CACNB2: variants seen among roughly 807,000 people sequenced by gnomAD.
CACNB2 encodes the protein calcium voltage-gated channel auxiliary subunit beta 2, also known as voltage-dependent L-type calcium channel subunit beta-2.
A neutral mutation model predicts 73.3 loss-of-function variants in CACNB2; 42 were observed. The observed-to-expected ratio is 0.57, with a 90% CI of 0.45 to 0.74. The LOEUF (loss-of-function observed/expected upper bound fraction) is 0.74. Ranked by LOEUF, CACNB2 falls within the 30% of genes least tolerant of loss-of-function variation. The probability of loss-of-function intolerance (pLI) is 0.00; values close to 1 mark genes in which losing one functional copy is unlikely to be tolerated. For synonymous variants in CACNB2, 348 were observed against 310.3 expected, an observed-to-expected ratio of 1.12 and a Z score of -1.28; for missense variants, 940 against 853.0, an observed-to-expected ratio of 1.10 and a Z score of -1.27.
intron 1 of CACNB2, among the ~76,000 whole-genome samples, chr10:18,148,595 A>G (rs2031223022): frequency 6.6e-6 from 1 of 152,240 alleles, no homozygotes; most frequent in South Asian, 2.1e-4. Context: ...CAACCACAAA[A>G]AAGCTTACAC....
In CACNB2 at chr10:18,401,957, G is replaced by A; in HGVS notation, c.247G>A (p.Asp83Asn). The change falls in exon 3 of 14, where the codon GAT (aspartate) becomes AAT (asparagine). Residue 83 changes from aspartate (D) to asparagine (N), a missense_variant. Asp to Asn is a conservative substitution (Grantham distance 23). Transcript: ENST00000324631. ...SADSYTSRPS[D>N]SDVSLEEDRE... ...AGACTCCTACACTAGCCGTCCATCC[G>A]ATTCCGATGTATCTCTGGAGGAGGA... 6.2e-7 allele frequency: 1 copy of A among 1,613,964 alleles called. No individual in the cohort carries two copies. The highest frequency in any genetic ancestry group is 8.5e-7 in the Non-Finnish European group (1 of 1,179,868).
rs368088104 is a variant in CACNB2 at position 18,176,632 on chromosome 10, C to A, written c.213+25657C>A. On this transcript the variant is annotated intron_variant, in intron 2 of 13. Transcript: ENST00000324631. Reference sequence around the variant, plus strand: ...CATTGAAAGTGATTGGAAGGTAAGTCTGTGAAGGTGGGTTGTAGCAAATGG... The same window carrying A: ...CATTGAAAGTGATTGGAAGGTAAGTATGTGAAGGTGGGTTGTAGCAAATGG... Among the ~76,000 whole-genome samples the A allele has an allele frequency of 1.2e-3, 182 of 149,890 alleles. 3 individuals are homozygous for A. In the South Asian group the frequency reaches 0.038, roughly 31 times the overall value.
chr10:18,482,858 C>A (rs1416392263), intron 3 of CACNB2, among the ~76,000 whole-genome samples: 1 of 152,114 alleles, frequency 6.6e-6, no homozygotes, highest in Non-Finnish European at 1.5e-5. Context: ...ATGTTATTCT[C>A]AGAGTTTATT....
At chr10:18,194,629 G>A (rs1455937470) in intron 2 of CACNB2, among the ~76,000 whole-genome samples, 1 of 152,168 alleles carries the variant, frequency 6.6e-6, no homozygotes, top group Admixed American at 6.5e-5. Context: ...CACAGCTGAG[G>A]CAATAGATGG....
At chr10:18,231,357 T>C (rs1053371442) in intron 2 of CACNB2, among the ~76,000 whole-genome samples, 1 of 152,124 alleles carries the variant, frequency 6.6e-6, no homozygotes, top group Non-Finnish European at 1.5e-5. Context: ...TTTTGTATTT[T>C]TAGTAGAGAT....
intron 3 of CACNB2, among the ~76,000 whole-genome samples, chr10:18,473,650 C>T (rs1276644063): frequency 6.6e-6 from 1 of 152,162 alleles, no homozygotes; most frequent in Non-Finnish European, 1.5e-5. Flanking sequence ...GTAAGGGATG[C>T]CAGAAATGCG....
At chr10:18,426,398 GC>G (rs1249619888) in intron 3 of CACNB2, among the ~76,000 whole-genome samples, 8 of 152,120 alleles carry the variant, frequency 5.3e-5, no homozygotes, top group Non-Finnish European at 1.2e-4. Flanking sequence ...GTTTCTGTTG[GC>G]TAATATGGAG....
intron 2 of CACNB2, among the ~76,000 whole-genome samples, chr10:18,254,911 GT>G (rs1262152067): frequency 1.3e-5 from 2 of 152,200 alleles, no homozygotes; most frequent in African/African-American, 2.4e-5. Context: ...TTCATTTTCT[GT>G]TTCTGTCCTT....
intron 3 of CACNB2, among the ~76,000 whole-genome samples, chr10:18,485,910 G>C (rs1357194719): frequency 1.7e-5 from 2 of 116,214 alleles, no homozygotes; most frequent in African/African-American, 7.9e-5. Context: ...TAGGGATCTG[G>C]GTCATTTTTT....
At chr10:18,481,510 GT>G (rs1330847975) in intron 3 of CACNB2, among the ~76,000 whole-genome samples, 1 of 151,570 alleles carries the variant, frequency 6.6e-6, no homozygotes, top group Admixed American at 6.6e-5. Flanking sequence ...GCATCCCAAA[GT>G]GCTGGGATTA....
At chr10:18,167,993 C>G (rs1442425871) in intron 2 of CACNB2, among the ~76,000 whole-genome samples, 1 of 152,140 alleles carries the variant, frequency 6.6e-6, no homozygotes, top group Non-Finnish European at 1.5e-5. Context: ...TGTGGAAATT[C>G]TGGTGAAGCC....
chr10:18,360,667 C>T lies in CACNB2; in HGVS notation c.214-41257C>T, dbSNP rs759272512. On this transcript the variant is annotated intron_variant, in intron 2 of 13. Transcript: ENST00000324631. ...GAACTTTAAGTGGCAGCTTTGATCA[C>T]GGGGCTAAGATATGGTGGCCACACA... Among the ~76,000 whole-genome samples the T allele has an allele frequency of 4.8e-4, 73 of 152,164 alleles. 1 individual carries two copies. The highest frequency in any genetic ancestry group is 2.2e-4 in the Non-Finnish European group (15 of 68,026).
chr10:18,230,406 A>G (rs575963145), intron 2 of CACNB2, among the ~76,000 whole-genome samples: 83 of 152,304 alleles, frequency 5.4e-4, no homozygotes, highest in Non-Finnish European at 1.0e-3. Context: ...TATTAAACAC[A>G]TGAATATAAA....
intron 2 of CACNB2, among the ~76,000 whole-genome samples, chr10:18,186,261 A>G (rs2131242382): frequency 6.6e-6 from 1 of 152,076 alleles, no homozygotes; most frequent in East Asian, 1.9e-4. Flanking sequence ...CTCTACTAAA[A>G]ATACAAAATT....
At chr10:18,516,660 C>T (rs1308374555) in intron 7 of CACNB2, among the ~76,000 whole-genome samples, 1 of 152,202 alleles carries the variant, frequency 6.6e-6, no homozygotes, top group African/African-American at 2.4e-5. Flanking sequence ...ATTCATTCTT[C>T]TTATGTTATT....
intron 3 of CACNB2, among the ~76,000 whole-genome samples, chr10:18,471,578 C>T (rs1278773452): frequency 2.0e-5 from 3 of 152,082 alleles, no homozygotes; most frequent in Admixed American, 6.6e-5. Context: ...CCTGTGTCCT[C>T]TGGAGCACTA....
At chr10:18,466,538 T>C (rs2047897906) in intron 3 of CACNB2, among the ~76,000 whole-genome samples, 1 of 152,146 alleles carries the variant, frequency 6.6e-6, no homozygotes, top group African/African-American at 2.4e-5. Flanking sequence ...TTGGTCATGG[T>C]TGTTAATTTT....
chr10:18,261,582 A>G (rs1169522459), intron 2 of CACNB2, among the ~76,000 whole-genome samples: 1 of 152,128 alleles, frequency 6.6e-6, no homozygotes, highest in Non-Finnish European at 1.5e-5. Context: ...TTGGTTTGAG[A>G]AGTCCATTGT....
intron 2 of CACNB2, among the ~76,000 whole-genome samples, chr10:18,379,007 A>C (rs1489439120): frequency 1.3e-5 from 2 of 152,132 alleles, no homozygotes; most frequent in Non-Finnish European, 2.9e-5. Context: ...TTCTTCCAGC[A>C]GACTTTTATT....
Sources: allele counts gnomAD v4.1 joint callset (sites outside exome capture counted in the v4.1 genomes callset), GRCh38; gene constraint gnomAD v4.1.1; transcripts MANE v1.5; gene names NCBI Gene and HGNC (gene_info 2026-07-23, HGNC 2026-07-21).